SYCP2L: variants seen among roughly 807,000 people sequenced by gnomAD.
SYCP2L encodes synaptonemal complex protein 2 like.
In SYCP2L, 98 loss-of-function variants were observed where a neutral mutation model predicts 125.8. The ratio of observed to expected loss-of-function variants is 0.78; its 90% CI spans 0.66 to 0.92. The LOEUF (loss-of-function observed/expected upper bound fraction) is 0.92, where lower values mean the gene tolerates loss of function less well. SYCP2L is among the 40% of genes least tolerant of loss of function. The pLI is 0.00. For synonymous variants in SYCP2L, 317 were observed against 325.4 expected, an observed-to-expected ratio of 0.97 and a Z score of 0.28; for missense variants, 842 against 936.4, an observed-to-expected ratio of 0.90 and a Z score of 1.32.
At chr6:10,936,507 A>G (rs1561693578) in intron 21 of SYCP2L, among the ~76,000 whole-genome samples, 1 of 152,156 alleles carries the variant, frequency 6.6e-6, no homozygotes, top group African/African-American at 2.4e-5. Flanking sequence ...AAATAGATTA[A>G]AAGGAAGGAA....
At chr6:10,932,205 C>T (rs1191090281) in intron 20 of SYCP2L, among the ~76,000 whole-genome samples, 1 of 151,758 alleles carries the variant, frequency 6.6e-6, no homozygotes, top group African/African-American at 2.4e-5. Flanking sequence ...CTTAGGATAC[C>T]TTCGGGCTTA....
intron 29 of SYCP2L, among the ~76,000 whole-genome samples, chr6:10,971,888 C>G (rs1025897461): frequency 2.2e-4 from 34 of 152,100 alleles, no homozygotes; most frequent in Non-Finnish European, 8.8e-5. Flanking sequence ...GTTGGCCAGG[C>G]TGGTCTTGAA....
At chr6:10,929,502 A>G (rs1780954352) in intron 18 of SYCP2L, among the ~76,000 whole-genome samples, 1 of 152,212 alleles carries the variant, frequency 6.6e-6, no homozygotes, top group Admixed American at 6.5e-5. Context: ...ATGAAAATTA[A>G]TGTAAGAACA....
At chr6:10,895,597 C>CT (rs1424762227) in intron 4 of SYCP2L, among the ~76,000 whole-genome samples, 1 of 148,980 alleles carries the variant, frequency 6.7e-6, no homozygotes, top group African/African-American at 2.4e-5. Context: ...GCCTGGGCAT[C>CT]TAACAAAGGC....
intron 9 of SYCP2L, 50 bp downstream of exon 9, chr6:10,906,104 G>T: frequency 8.7e-7 from 1 of 1,150,934 alleles, no homozygotes. Context: ...ATTGGACACT[G>T]GGGGTTTTAT....
chr6:10,942,818 CT>C (rs1781248082), intron 23 of SYCP2L, 72 bp downstream of exon 23: 2 of 1,368,674 alleles, frequency 1.5e-6, no homozygotes, highest in African/African-American at 1.5e-5. Context: ...GCAGACTGGG[CT>C]GTTACTCAGA....
intron 18 of SYCP2L, 49 bp downstream of exon 18, chr6:10,928,499 CTG>C: frequency 6.6e-7 from 1 of 1,507,272 alleles, no homozygotes; most frequent in African/African-American, 1.4e-5. Flanking sequence ...TCCAGTGGGA[CTG>C]TGACAGGTGG....
At chr6:10,962,117 C>T (rs1043047938) in intron 28 of SYCP2L, among the ~76,000 whole-genome samples, 5 of 151,972 alleles carry the variant, frequency 3.3e-5, no homozygotes, top group Non-Finnish European at 5.9e-5. Context: ...CTACTTCTGC[C>T]CTGCGGGAAA....
Position 10,955,177 on chromosome 6 carries a change from G to A in SYCP2L, c.2016G>A (p.Pro672=), listed in dbSNP as rs201927865. 22 of 1,613,240 alleles carry A rather than the reference G, an allele frequency of 1.4e-5. No individual in the cohort carries two copies. Among genetic ancestry groups the A allele is most frequent in the Admixed American group, 1.7e-5 (1 of 60,010 alleles). ...QQSRLEEEVA[P]GSPFSITEER... ...CAAGATTGGAAGAAGAGGTTGCTCC[G>A]GGATCCCCTTTCTCAATAACAGAAG... The change falls in exon 24 of 30, where the codon CCG becomes CCA. Residue 672 remains proline (P), a synonymous_variant. Transcript: ENST00000283141.
chr6:10,898,241 G>A (rs1390289916), intron 5 of SYCP2L, 126 bp downstream of exon 5: 12 of 711,476 alleles, frequency 1.7e-5, no homozygotes, highest in African/African-American at 8.9e-5. Flanking sequence ...ATGGCTGGGC[G>A]TGATGGTTCA....
chr6:10,905,079 A>G (rs938602054), intron 8 of SYCP2L, among the ~76,000 whole-genome samples: 3 of 137,238 alleles, frequency 2.2e-5, no homozygotes, highest in Non-Finnish European at 4.6e-5. Flanking sequence ...GGCAGAGTGC[A>G]TTGCAGTGAG....
Position 10,961,093 on chromosome 6 carries a change from A to G in SYCP2L, c.2256-212A>G, listed in dbSNP as rs989904668. Among the ~76,000 whole-genome samples, 62 of 151,902 alleles carry G rather than the reference A, an allele frequency of 4.1e-4. 2 individuals carry two copies. Among genetic ancestry groups the G allele is most frequent in the Middle Eastern group, 3.4e-3 (1 of 294 alleles). On this transcript the variant is annotated intron_variant, in intron 26 of 29. Coordinates refer to ENST00000283141, the MANE Select transcript of SYCP2L (RefSeq NM_001040274.3). ...AACTCCATCTCAAAAAAAAAAAAAAAAGATGACCTGAGAGTTTGCATAGTG... is the reference window on the plus strand; with the variant it reads ...AACTCCATCTCAAAAAAAAAAAAAAGAGATGACCTGAGAGTTTGCATAGTG...
chr6:10,961,997 C>G (rs1456517104), intron 28 of SYCP2L, among the ~76,000 whole-genome samples: 3 of 152,108 alleles, frequency 2.0e-5, no homozygotes, highest in African/African-American at 7.2e-5. Context: ...TGCTGTGGCT[C>G]CCTGCACTGT....
intron 14 of SYCP2L, among the ~76,000 whole-genome samples, chr6:10,923,454 C>T (rs376410159): frequency 4.4e-5 from 6 of 137,616 alleles, no homozygotes; most frequent in East Asian, 4.2e-4. Context: ...GGCATGATCT[C>T]GGCTCATTGC....
At chr6:10,891,435 T>TGG in intron 1 of SYCP2L, 78 bp from the exon 2 acceptor site, 7 of 860,544 alleles carry the variant, frequency 8.1e-6, no homozygotes, top group Non-Finnish European at 1.0e-5. Context: ...TTTTTTTTTT[T>TGG]TTTGCTTTGT....
At chr6:10,955,400 C>A (rs1781486490) in intron 24 of SYCP2L, among the ~76,000 whole-genome samples, 183 bp downstream of exon 24, 1 of 152,198 alleles carries the variant, frequency 6.6e-6, no homozygotes, top group African/African-American at 2.4e-5. Flanking sequence ...TAGATAAAAG[C>A]AAGTGCCATT....
chr6:10,918,197 CAAAAAAAA>C (rs540012555), intron 14 of SYCP2L, among the ~76,000 whole-genome samples: 1 of 77,966 alleles, frequency 1.3e-5, no homozygotes, highest in South Asian at 3.9e-4. Flanking sequence ...GACTCCATCT[CAAAAAAAA>C]AAAAAAAAAG....
intron 8 of SYCP2L, among the ~76,000 whole-genome samples, chr6:10,903,879 T>G (rs192113273): frequency 5.0e-4 from 76 of 152,352 alleles, no homozygotes; most frequent in African/African-American, 1.6e-3. Context: ...CAGGCTATAT[T>G]TTTTCATTGT....
At position 10,887,144 on chromosome 6, in the gene SYCP2L, C is replaced by T. The variant is rs757740205; in HGVS notation, c.9+9C>T. On this transcript the variant is annotated intron_variant, in intron 1 of 29. Coordinates refer to ENST00000283141, the MANE Select transcript of SYCP2L (RefSeq NM_001040274.3). ...GCCTCGTTATGCAAGCGGTGAGTGA[C>T]CCCCGAAGGGCCCGGACCTTCTGTC... 5.0e-6 allele frequency: 8 copies of T among 1,613,998 alleles called. No individual in the cohort carries two copies. Among genetic ancestry groups the T allele is most frequent in the African/African-American group, 1.3e-5 (1 of 74,944 alleles).
Sources: allele counts gnomAD v4.1 joint callset (sites outside exome capture counted in the v4.1 genomes callset), GRCh38; gene constraint gnomAD v4.1.1; transcripts MANE v1.5; gene names NCBI Gene and HGNC (gene_info 2026-07-23, HGNC 2026-07-21).